EIF4E3: variants seen among roughly 807,000 people sequenced by gnomAD.
EIF4E3 encodes the protein eukaryotic translation initiation factor 4E family member 3.
A neutral mutation model predicts 31.7 loss-of-function variants in EIF4E3; 26 were observed. The ratio of observed to expected loss-of-function variants is 0.82; its 90% CI spans 0.60 to 1.14. EIF4E3 has a LOEUF of 1.14. EIF4E3 is among the 50% of genes most tolerant of loss of function. The pLI, the probability that EIF4E3 is intolerant of heterozygous loss-of-function variation, is 0.00. For synonymous variants in EIF4E3, 128 were observed against 107.7 expected, an observed-to-expected ratio of 1.19 and a Z score of -1.17; for missense variants, 304 against 270.9, an observed-to-expected ratio of 1.12 and a Z score of -0.86.
chr3:71,742,833 AG>A (rs1234331570), intron 1 of EIF4E3, among the ~76,000 whole-genome samples: 1 of 152,198 alleles, frequency 6.6e-6, no homozygotes, highest in African/African-American at 2.4e-5. Context: ...AATATGGGAA[AG>A]TCAATCAATA....
chr3:71,670,734 T>C (rs1003543464), downstream of EIF4E3, among the ~76,000 whole-genome samples: 18 of 152,164 alleles, frequency 1.2e-4, no homozygotes, highest in African/African-American at 4.1e-4. Context: ...TGTGGTACCA[T>C]GAAGCATTAC....
chr3:71,662,450 T>G, the EIF4E3 span, among the ~76,000 whole-genome samples: 1 of 152,254 alleles, frequency 6.6e-6, no homozygotes, highest in Non-Finnish European at 1.5e-5. Flanking sequence ...AAATGCCTCA[T>G]ATATTGAAAG....
chr3:71,673,973 T>G (rs1023876385), downstream of EIF4E3, among the ~76,000 whole-genome samples: 2 of 147,976 alleles, frequency 1.4e-5, no homozygotes, highest in Non-Finnish European at 3.0e-5. Flanking sequence ...TCTTGGGAGC[T>G]TCTCACAATT....
At chr3:71,715,443 A>G (rs1667867610) in intron 1 of EIF4E3, among the ~76,000 whole-genome samples, 1 of 152,256 alleles carries the variant, frequency 6.6e-6, no homozygotes, top group South Asian at 2.1e-4. Flanking sequence ...CCAGGCTCCC[A>G]AAGACAAAGA....
intron 1 of EIF4E3, among the ~76,000 whole-genome samples, chr3:71,745,644 T>C (rs1277754246): frequency 6.6e-6 from 1 of 152,208 alleles, no homozygotes; most frequent in East Asian, 1.9e-4. Context: ...CATTATTCCA[T>C]GCACATGAAG....
rs372763468 is a variant in EIF4E3, at chr3:71,735,805, C to T, written c.-290-7182G>A. On this transcript the variant is annotated intron_variant, in intron 1 of 7. Transcript: ENST00000295612. Reference sequence around the variant, plus strand: ...TCAAGTGAAGATCATTTATCCACCTCCCTCCAAAAAATGAGAAGAAAACAT... The same window carrying T: ...TCAAGTGAAGATCATTTATCCACCTTCCTCCAAAAAATGAGAAGAAAACAT... Among the ~76,000 whole-genome samples, 115 of 151,612 alleles carry T rather than the reference C, an allele frequency of 7.6e-4. No homozygotes were observed. The South Asian group carries it at 0.024, about 31-fold the overall frequency.
chr3:71,741,192 G>GCACACACACA (rs1284183116), intron 1 of EIF4E3, among the ~76,000 whole-genome samples: 1 of 125,850 alleles, frequency 7.9e-6, no homozygotes, highest in Non-Finnish European at 1.7e-5. Flanking sequence ...GCACATGCAC[G>GCACACACACA]CGCACACACA....
At chr3:71,672,988 G>A (rs2048854747), downstream of EIF4E3, among the ~76,000 whole-genome samples, 1 of 152,218 alleles carries the variant, frequency 6.6e-6, no homozygotes, top group South Asian at 2.1e-4. Flanking sequence ...CACTGTGAGT[G>A]AGAGAGCCAC....
At chr3:71,670,715 T>C (rs2048843099), downstream of EIF4E3, among the ~76,000 whole-genome samples, 2 of 152,158 alleles carry the variant, frequency 1.3e-5, no homozygotes, top group Non-Finnish European at 2.9e-5. Flanking sequence ...CCCACCTTGG[T>C]CAGACCACTG....
chr3:71,739,920 A>C (rs2108149348), intron 1 of EIF4E3, among the ~76,000 whole-genome samples: 1 of 152,288 alleles, frequency 6.6e-6, no homozygotes, highest in African/African-American at 2.4e-5. Flanking sequence ...TAAAAGAAAA[A>C]TCTATGACAA....
chr3:71,724,978 G>A (rs559772983), intron 1 of EIF4E3, among the ~76,000 whole-genome samples: 1 of 152,152 alleles, frequency 6.6e-6, no homozygotes, highest in African/African-American at 2.4e-5. Context: ...CCCCCGGCCC[G>A]GAGGCGAGGA....
chr3:71,700,284 T>C (rs1042347890), intron 2 of EIF4E3, among the ~76,000 whole-genome samples: 5 of 152,206 alleles, frequency 3.3e-5, no homozygotes, highest in African/African-American at 1.2e-4. Context: ...AACATTCCTA[T>C]GCAACATGTC....
intron 1 of EIF4E3, among the ~76,000 whole-genome samples, chr3:71,731,261 T>A (rs73090622): frequency 0.072 from 10,978 of 152,240 alleles, 503 homozygotes; most frequent in Non-Finnish European, 0.098. Flanking sequence ...GTACTTGGCA[T>A]CTTCTGGATC....
chr3:71,698,956 C>T lies in EIF4E3; in HGVS notation c.344+658G>A, dbSNP rs200733931. Among the ~76,000 whole-genome samples, 4 of 152,352 alleles carry T rather than the reference C, an allele frequency of 2.6e-5. No homozygotes were observed. In the East Asian group the frequency reaches 7.7e-4, roughly 29 times the overall value. The stretch of plus-strand genomic sequence containing the variant: ...TTTCTGGTGGCTGGGCCTGGTGGCT[C>T]ATGCCTGTAATCCCAGCACTTTAGA... On this transcript the variant is annotated intron_variant, in intron 3 of 6. Coordinates refer to ENST00000425534, the MANE Select transcript of EIF4E3 (RefSeq NM_001134651.2).
chr3:71,688,553 A>G (rs1309996778), intron 6 of EIF4E3, among the ~76,000 whole-genome samples: 4 of 152,140 alleles, frequency 2.6e-5, no homozygotes, highest in Non-Finnish European at 2.9e-5. Context: ...ACGACCCCAA[A>G]TTGGTGTTCT....
upstream of EIF4E3, chr3:71,754,367 C>T: frequency 1.5e-6 from 2 of 1,329,296 alleles, no homozygotes; most frequent in Non-Finnish European, 1.9e-6. This position sits in a 1 kb window ranked among gnomAD's most constrained non-coding sequence, Gnocchi z 5.8. Context: ...CGCTCTTCTG[C>T]TTCCACGCCG....
chr3:71,710,636 G>A (rs2049365042), intron 1 of EIF4E3, among the ~76,000 whole-genome samples, 152 bp from the exon 2 acceptor site: 1 of 152,132 alleles, frequency 6.6e-6, no homozygotes, highest in African/African-American at 2.4e-5. Flanking sequence ...AATTTAAAAT[G>A]TGAAATCCCT....
rs117770155 is a variant in EIF4E3 at position 71,732,270 on chromosome 3, G to A, written c.-290-3647C>T. Among the ~76,000 whole-genome samples the A allele has an allele frequency of 4.6e-5, 7 of 152,228 alleles. No homozygotes were observed. In the East Asian group the frequency reaches 1.2e-3, roughly 25 times the overall value. On this transcript the variant is annotated intron_variant, in intron 1 of 7. Coordinates refer to the EIF4E3 transcript ENST00000295612. Reference sequence around the variant, plus strand: ...TGTCTAACCATCCTTCAAGGGCCAGGCCAAGTTCCCTCACAGGGAATCAGT... The same window carrying A: ...TGTCTAACCATCCTTCAAGGGCCAGACCAAGTTCCCTCACAGGGAATCAGT...
In EIF4E3 at chr3:71,679,562, A is replaced by G. The variant is rs1379943109; in HGVS notation, c.*5120T>C. 1.3e-5 allele frequency: 2 copies of G among 152,214 alleles called. No homozygotes were observed. Among genetic ancestry groups the G allele is most frequent in the Non-Finnish European group, 2.9e-5 (2 of 68,018 alleles). 9.4% of individuals were successfully genotyped at this position (152,214 alleles called of 1,614,324 possible). A position where few individuals can be genotyped will look rare whatever the true frequency, so the allele number is the denominator to read the frequency against. On this transcript the variant is annotated 3_prime_UTR_variant, in exon 7 of 7. Transcript: ENST00000425534. ...AGCTATTGTATTGGATATTCTAATA[A>G]GGTACACTCAAGACACACATATACA...
Sources: allele counts gnomAD v4.1 joint callset (sites outside exome capture counted in the v4.1 genomes callset), GRCh38; gene constraint gnomAD v4.1.1; non-coding constraint Gnocchi (gnomAD v3.1); transcripts MANE v1.5; gene names NCBI Gene and HGNC (gene_info 2026-07-23, HGNC 2026-07-21).